CENPH: variants seen among roughly 807,000 people sequenced by gnomAD.
The protein encoded by CENPH is CENP-H.
A neutral mutation model predicts 42.9 loss-of-function variants in CENPH; 40 were observed. That is an observed-to-expected ratio of 0.93 (90% CI 0.72 to 1.21). The LOEUF is 1.21. Among genes scored for constraint, CENPH ranks in the 50% most tolerant of loss-of-function variants. The pLI, the probability that CENPH is intolerant of heterozygous loss-of-function variation, is 0.00. For synonymous variants in CENPH, 88 were observed against 96.5 expected (o/e 0.91, Z 0.52); for missense variants, 302 against 292.9 (o/e 1.03, Z -0.23).
chr5:69,198,166 C>A (rs112771392), intron 5 of CENPH, among the ~76,000 whole-genome samples: 22,904 of 151,576 alleles, frequency 0.15, 1,858 homozygotes, highest in African/African-American at 0.2. Context: ...GTGATCCACC[C>A]GCCTCGGCCT....
chr5:69,201,695 C>CA (rs1437191562), intron 5 of CENPH, among the ~76,000 whole-genome samples: 4 of 152,002 alleles, frequency 2.6e-5, no homozygotes, highest in East Asian at 1.9e-4. Context: ...CCCGTCTCTA[C>CA]AAAAAATGTA....
intron 3 of CENPH, among the ~76,000 whole-genome samples, chr5:69,195,160 C>T (rs973712410): frequency 3.3e-5 from 5 of 152,210 alleles, no homozygotes; most frequent in South Asian, 2.1e-4. Context: ...ACCCGGGAGG[C>T]GGAGGTTGCG....
At position 69,208,239 on chromosome 5, in the gene CENPH, T is replaced by C; in HGVS notation, c.531T>C (p.Thr177=). 1 of 1,590,102 alleles carries C rather than the reference T, an allele frequency of 6.3e-7. No homozygotes were observed. Among genetic ancestry groups the C allele is most frequent in the Non-Finnish European group, 8.6e-7 (1 of 1,160,052 alleles). ...ASESKLLEIQ[T]EKNKQKIDLD... ...AAAGTAAGCTTTTAGAAATACAGAC[T>C]GAAAAGAACAAACAGAAGATTGATT... is the stretch of plus-strand genomic sequence containing the variant. Residue 177 remains threonine (T), a synonymous_variant, in exon 8 of 9, where the codon ACT becomes ACC. Transcript: ENST00000283006.
chr5:69,194,132 C>A (rs1747924662), intron 2 of CENPH, among the ~76,000 whole-genome samples: 1 of 151,786 alleles, frequency 6.6e-6, no homozygotes, highest in Non-Finnish European at 1.5e-5. Flanking sequence ...TTTGTTGATC[C>A]CTACACAAGT....
At chr5:69,204,593 A>ATTTGTT (rs1580229277) in intron 7 of CENPH, among the ~76,000 whole-genome samples, 2 of 66,002 alleles carry the variant, frequency 3.0e-5, no homozygotes, top group African/African-American at 6.1e-5. Flanking sequence ...CCTGGCTTGT[A>ATTTGTT]TTTCTTTTTT....
intron 1 of CENPH, among the ~76,000 whole-genome samples, chr5:69,190,725 A>G (rs1747853787): frequency 6.6e-6 from 1 of 152,190 alleles, no homozygotes; most frequent in Admixed American, 6.5e-5. Context: ...CCCCGTCTCT[A>G]CTAAAAATAC....
At chr5:69,209,526 G>T (rs945131377) in intron 8 of CENPH, among the ~76,000 whole-genome samples, 181 bp from the exon 9 acceptor site, 16 of 150,874 alleles carry the variant, frequency 1.1e-4, no homozygotes, top group South Asian at 8.4e-4. Flanking sequence ...GTGACACAGA[G>T]CAAGACTCCG....
At chr5:69,190,877 C>G (rs1747858733) in intron 1 of CENPH, among the ~76,000 whole-genome samples, 1 of 151,268 alleles carries the variant, frequency 6.6e-6, no homozygotes, top group African/African-American at 2.4e-5. Context: ...GGCAATAGAG[C>G]AAGACTCTTG....
At chr5:69,207,211 CAG>C (rs1311277022) in intron 7 of CENPH, among the ~76,000 whole-genome samples, 13 of 150,436 alleles carry the variant, frequency 8.6e-5, no homozygotes, top group Non-Finnish European at 1.6e-4. Flanking sequence ...TTTCCTGAGA[CAG>C]AGTTTCACTC....
At chr5:69,197,890 G>A (rs1464979948) in intron 5 of CENPH, among the ~76,000 whole-genome samples, 2 of 146,718 alleles carry the variant, frequency 1.4e-5, no homozygotes, top group Admixed American at 6.8e-5. Flanking sequence ...CTGGTGTCTG[G>A]CCTCAGAGGT....
chr5:69,190,985 C>G (rs1747860878), intron 1 of CENPH, among the ~76,000 whole-genome samples: 1 of 151,914 alleles, frequency 6.6e-6, no homozygotes, highest in Non-Finnish European at 1.5e-5. Context: ...TTCCTCCTCA[C>G]CCTTGCTGTC....
intron 6 of CENPH, 35 bp from the exon 7 acceptor site, chr5:69,202,875 TTACATACAG>T: frequency 8.2e-7 from 1 of 1,213,460 alleles, no homozygotes; most frequent in South Asian, 1.3e-5. Flanking sequence ...AGGTTTGTCC[TTACATACAG>T]TAATGTGCTT....
chr5:69,192,438 T>A (rs189913574), intron 2 of CENPH, among the ~76,000 whole-genome samples: 12 of 152,318 alleles, frequency 7.9e-5, no homozygotes, highest in African/African-American at 2.9e-4. Flanking sequence ...ACTGTAGAAT[T>A]TCTATACCTA....
intron 7 of CENPH, among the ~76,000 whole-genome samples, chr5:69,205,702 C>CTTTTTT (rs1158243799): frequency 9.9e-4 from 76 of 77,090 alleles, no homozygotes; most frequent in African/African-American, 1.0e-3. Flanking sequence ...CTGTAGATAT[C>CTTTTTT]TTTTTTTTTT....
intron 7 of CENPH, among the ~76,000 whole-genome samples, chr5:69,205,619 TC>T (rs1392760744): frequency 6.6e-6 from 1 of 151,014 alleles, no homozygotes; most frequent in Non-Finnish European, 1.5e-5. Context: ...ACTCGAGCAA[TC>T]CTTTCACCTC....
intron 6 of CENPH, 62 bp downstream of exon 6, chr5:69,202,631 T>A: frequency 1.0e-6 from 1 of 960,758 alleles, no homozygotes. Context: ...TTCTTGCTGG[T>A]AACTGTATTG....
intron 5 of CENPH, among the ~76,000 whole-genome samples, chr5:69,199,103 G>C (rs970700694): frequency 2.0e-5 from 3 of 152,198 alleles, no homozygotes; most frequent in African/African-American, 7.2e-5. Flanking sequence ...TCAGGAAGAA[G>C]GCTTTGAGTA....
intron 7 of CENPH, 58 bp downstream of exon 7, chr5:69,203,028 A>G: frequency 8.8e-7 from 1 of 1,130,708 alleles, no homozygotes; most frequent in Middle Eastern, 2.0e-4. Context: ...TAGATTGATA[A>G]GGCCAGATCT....
Position 69,210,019 on chromosome 5 carries a change from T to C in CENPH, c.*220T>C, listed in dbSNP as rs1299493016. ...TTGTTTTTTTGTTGTTGTTGTTTTTTGAGATGGAGTCTCGCTTTGTTGCCC... is the reference window on the plus strand; with the variant it reads ...TTGTTTTTTTGTTGTTGTTGTTTTTCGAGATGGAGTCTCGCTTTGTTGCCC... On this transcript the variant is annotated 3_prime_UTR_variant, in exon 9 of 9. Coordinates refer to ENST00000283006, the MANE Select transcript of CENPH (RefSeq NM_022909.4). The C allele has an allele frequency of 2.4e-5, 8 of 327,248 alleles. No homozygotes were observed. Among genetic ancestry groups the C allele is most frequent in the Non-Finnish European group, 3.9e-5 (7 of 180,614 alleles). 20.3% of individuals were successfully genotyped at this position (327,248 alleles called of 1,614,324 possible). A position where few individuals can be genotyped will look rare whatever the true frequency, so the allele number is the denominator to read the frequency against.
Sources: gnomAD v4.1 joint callset for allele counts (sites outside exome capture counted in the v4.1 genomes callset) on GRCh38, gnomAD v4.1.1 for gene constraint, MANE v1.5 for transcripts, NCBI Gene and HGNC (gene_info 2026-07-23, HGNC 2026-07-21) for gene names.